PPP1R13B: variants seen among roughly 807,000 people sequenced by gnomAD.
PPP1R13B encodes apoptosis-stimulating of p53 protein 1.
In PPP1R13B, 44 loss-of-function variants were observed where a neutral mutation model predicts 119.8. That is an observed-to-expected ratio of 0.37 (90% CI 0.29 to 0.47). The LOEUF is 0.47. Ranked by LOEUF, PPP1R13B falls within the 20% of genes least tolerant of loss-of-function variation. The pLI is 0.99. For synonymous variants in PPP1R13B, 542 were observed against 561.5 expected, an observed-to-expected ratio of 0.97 and a Z score of 0.49; for missense variants, 1,227 against 1,413.5, an observed-to-expected ratio of 0.87 and a Z score of 2.12.
At chr14:103,835,111 CTTTT>C (rs1196414774) in intron 1 of PPP1R13B, among the ~76,000 whole-genome samples, 3 of 151,940 alleles carry the variant, frequency 2.0e-5, no homozygotes, top group Admixed American at 6.6e-5. Flanking sequence ...AACATTTGCT[CTTTT>C]TTTTCTTTTA....
intron 6 of PPP1R13B, 42 bp downstream of exon 6, chr14:103,754,028 G>C: frequency 6.3e-7 from 1 of 1,595,852 alleles, no homozygotes; most frequent in Non-Finnish European, 8.6e-7. Context: ...CTGGATCTGG[G>C]CCTGGTGAGA....
chr14:103,809,812 A>G (rs991706449), intron 1 of PPP1R13B, among the ~76,000 whole-genome samples: 3 of 146,842 alleles, frequency 2.0e-5, no homozygotes, highest in African/African-American at 7.6e-5. Flanking sequence ...GACAAAGTGA[A>G]ACTCTTGTCT....
At chr14:103,761,457 G>C (rs1024283058) in intron 4 of PPP1R13B, among the ~76,000 whole-genome samples, 2 of 151,878 alleles carry the variant, frequency 1.3e-5, no homozygotes, top group African/African-American at 4.8e-5. Context: ...CGTATAATTA[G>C]TCTTTCACCT....
chr14:103,753,954 G>A, intron 6 of PPP1R13B, 116 bp downstream of exon 6: 2 of 1,269,150 alleles, frequency 1.6e-6, no homozygotes, highest in Non-Finnish European at 2.2e-6. Flanking sequence ...CAAAACTTGA[G>A]CACGCTTGCT....
At chr14:103,830,247 C>T (rs544811251) in intron 1 of PPP1R13B, among the ~76,000 whole-genome samples, 3 of 152,020 alleles carry the variant, frequency 2.0e-5, no homozygotes, top group Non-Finnish European at 1.5e-5. Context: ...AGGCACACAC[C>T]ACCATGCCCG....
chr14:103,791,063 A>G (rs952241841), intron 2 of PPP1R13B, among the ~76,000 whole-genome samples: 5 of 152,118 alleles, frequency 3.3e-5, no homozygotes, highest in African/African-American at 1.2e-4. Context: ...CTAGATTTGC[A>G]TAAAGAAAAT....
intron 12 of PPP1R13B, 45 bp downstream of exon 12, chr14:103,739,779 T>A: frequency 6.5e-7 from 1 of 1,539,534 alleles, no homozygotes; most frequent in Middle Eastern, 1.8e-4. Flanking sequence ...CCTGGTTGCA[T>A]GAATGACCAG....
At chr14:103,848,361 C>T (rs144807465), upstream of PPP1R13B, 3 of 985,348 alleles carry the variant, frequency 3.0e-6, no homozygotes, top group Non-Finnish European at 3.6e-6. Flanking sequence ...CCTGCAGTCC[C>T]GTCTCCAGAG....
chr14:103,772,849 T>C (rs992481953), intron 4 of PPP1R13B, among the ~76,000 whole-genome samples: 10 of 152,140 alleles, frequency 6.6e-5, no homozygotes, highest in African/African-American at 1.9e-4. Flanking sequence ...GTATTTTTAG[T>C]AGAGACAGGG....
At chr14:103,792,806 C>T (rs550655253) in intron 2 of PPP1R13B, among the ~76,000 whole-genome samples, 1 of 152,168 alleles carries the variant, frequency 6.6e-6, no homozygotes, top group South Asian at 2.1e-4. Context: ...TGCAGTGGCT[C>T]ATGCCTGTAA....
intron 1 of PPP1R13B, among the ~76,000 whole-genome samples, chr14:103,810,909 T>C (rs996188983): frequency 4.1e-5 from 6 of 145,682 alleles, no homozygotes; most frequent in Non-Finnish European, 9.0e-5. Context: ...GGCAACATGG[T>C]GAAGCCCCGT....
At chr14:103,744,371 G>A (rs867453235) in intron 9 of PPP1R13B, among the ~76,000 whole-genome samples, 9 of 152,012 alleles carry the variant, frequency 5.9e-5, no homozygotes, top group African/African-American at 1.2e-4. Flanking sequence ...AACAAAACCC[G>A]CGCTACGCCA....
chr14:103,799,796 C>T (rs1180220361), intron 1 of PPP1R13B, among the ~76,000 whole-genome samples: 2 of 151,560 alleles, frequency 1.3e-5, no homozygotes, highest in Admixed American at 1.3e-4. Flanking sequence ...ATCTATAATC[C>T]CAGATTTGGG....
In PPP1R13B at chr14:103,759,964, T is replaced by A. The variant is rs181666462; in HGVS notation, c.355-2213A>T. On this transcript the variant is annotated intron_variant, in intron 4 of 16. Coordinates refer to ENST00000202556, the MANE Select transcript of PPP1R13B (RefSeq NM_015316.3). ...TAGGTAATTCATTGTATCTTATACA[T>A]CAACTTATAATGTAATGAAATTTTA... 3.6e-3 allele frequency among the ~76,000 whole-genome samples: 552 copies of A among 152,336 alleles called. 5 individuals are homozygous for A. The highest frequency in any genetic ancestry group is 0.013 in the African/African-American group (535 of 41,574).
intron 2 of PPP1R13B, among the ~76,000 whole-genome samples, chr14:103,791,304 C>A (rs2085613787): frequency 6.6e-6 from 1 of 152,026 alleles, no homozygotes; most frequent in Non-Finnish European, 1.5e-5. Flanking sequence ...TCTTATTTAA[C>A]AAACATCAAA....
chr14:103,744,687 A>G (rs2084345982), intron 9 of PPP1R13B, among the ~76,000 whole-genome samples: 1 of 152,220 alleles, frequency 6.6e-6, no homozygotes, highest in Non-Finnish European at 1.5e-5. Flanking sequence ...ACTGTCCATG[A>G]GCTGGTCACT....
upstream of PPP1R13B, chr14:103,847,688 G>A: frequency 2.2e-6 from 2 of 919,754 alleles, no homozygotes; most frequent in Non-Finnish European, 2.6e-6. Flanking sequence ...CGGGGGCGGG[G>A]AGAGGGGCGG....
intron 4 of PPP1R13B, among the ~76,000 whole-genome samples, chr14:103,774,732 T>C (rs1352049927): frequency 6.6e-6 from 1 of 152,228 alleles, no homozygotes; most frequent in Non-Finnish European, 1.5e-5. Context: ...CATGTCATTA[T>C]TCTATAACCA....
rs531824049 is a variant in PPP1R13B at position 103,736,369 on chromosome 14, G to A, written c.3032-167C>T. Reference sequence around the variant, plus strand: ...CTATTGAAGACTAGGGCCCCCACCCGATACCTCCCCTGCCCGGCCCAGCTG... The same window carrying A: ...CTATTGAAGACTAGGGCCCCCACCCAATACCTCCCCTGCCCGGCCCAGCTG... On this transcript the variant is annotated intron_variant, in intron 15 of 16. Transcript: ENST00000202556. 8.9e-5 allele frequency: 60 copies of A among 671,812 alleles called. 1 individual carries two copies. The highest frequency in any genetic ancestry group is 3.2e-4 in the South Asian group (17 of 53,482). 41.6% of individuals were successfully genotyped at this position (671,812 alleles called of 1,614,324 possible).
Sources: gnomAD v4.1 joint callset for allele counts (sites outside exome capture counted in the v4.1 genomes callset) on GRCh38, gnomAD v4.1.1 for gene constraint, MANE v1.5 for transcripts, NCBI Gene and HGNC (gene_info 2026-07-23, HGNC 2026-07-21) for gene names.